Variants in RERE observed in about 807,000 individuals in gnomAD.
RERE encodes the protein arginine-glutamic acid dipeptide repeats protein.
In RERE, 40 loss-of-function variants were observed where a neutral mutation model predicts 146.1. That is an observed-to-expected ratio of 0.27 (90% confidence interval 0.21 to 0.36). RERE has a LOEUF of 0.36. Among genes scored for constraint, RERE ranks in the 10% least tolerant of loss-of-function variants. RERE has a pLI of 1.00. For missense variants in RERE, 1,933 were observed against 2,138.7 expected, an observed-to-expected ratio of 0.90 and a Z score of 1.90; for synonymous variants, 1,003 against 866.0, an observed-to-expected ratio of 1.16 and a Z score of -2.78.
intron 6 of RERE, among the ~76,000 whole-genome samples, chr1:8,544,828 A>G (rs1376456054): frequency 6.6e-6 from 1 of 152,228 alleles, no homozygotes; most frequent in Non-Finnish European, 1.5e-5. Context: ...TAATCTTGCC[A>G]GTTAGCCAGC....
chr1:8,366,942 C>CAAAAAAAAAA (rs1557592178), intron 12 of RERE, among the ~76,000 whole-genome samples: 1 of 135,050 alleles, frequency 7.4e-6, no homozygotes. Flanking sequence ...AAAAAAAAAA[C>CAAAAAAAAAA]CCAAAAAACA....
At chr1:8,786,624 GACCTCTGGGCTCACACCATTGGC>G in intron 1 of RERE, 1 of 768,044 alleles carries the variant, frequency 1.3e-6, no homozygotes, top group Non-Finnish European at 2.4e-6. Flanking sequence ...ACACCTTTCA[GACCTCTGGGCTCACACCATTGGC>G]ACCTCTGGTC....
chr1:8,421,988 C>T (rs1643916474), intron 12 of RERE, among the ~76,000 whole-genome samples: 2 of 152,170 alleles, frequency 1.3e-5, no homozygotes, highest in Admixed American at 1.3e-4. Flanking sequence ...TCTACACCAC[C>T]AGGGAAGGAG....
At chr1:8,399,533 A>C (rs1643175203) in intron 12 of RERE, among the ~76,000 whole-genome samples, 1 of 152,030 alleles carries the variant, frequency 6.6e-6, no homozygotes, top group South Asian at 2.1e-4. Flanking sequence ...AATTACTCTA[A>C]CTTTACAAGT....
Position 8,356,170 on chromosome 1 carries a change from A to G in RERE, c.4416T>C (p.Pro1472=), listed in dbSNP as rs1641284586. ...GPHLARFPYP[P]GTLPNPLLGQ... is the part of the protein sequence containing the mutation. ...CAAGCAGAGGGTTGGGGAGAGTGCC[A>G]GGCGGGTAGGGGAAGCGAGCCAGGT... Residue 1472 remains proline (P), a synonymous_variant, in exon 21 of 23, where the codon CCT becomes CCC. Transcript: ENST00000400908. The surrounding 1 kb of genome is among the most constrained non-coding windows in gnomAD (Gnocchi z 5.2). 6.6e-6 allele frequency: 10 copies of G among 1,521,638 alleles called. No individual in the cohort carries two copies. The highest frequency in any genetic ancestry group is 8.7e-6 in the Non-Finnish European group (10 of 1,144,606). The allele number at this position is 1,521,638 out of a possible 1,614,324, so 94.3% of individuals were successfully genotyped here. A position where few individuals can be genotyped will look rare whatever the true frequency, so the allele number is the denominator to read the frequency against.
At chr1:8,479,608 C>T (rs1023652246) in intron 10 of RERE, among the ~76,000 whole-genome samples, 3 of 152,092 alleles carry the variant, frequency 2.0e-5, no homozygotes, top group East Asian at 3.9e-4. Context: ...GAGAAGGCAG[C>T]GTGAAGATGA....
At chr1:8,544,202 A>T (rs1645832118) in intron 6 of RERE, among the ~76,000 whole-genome samples, 1 of 152,214 alleles carries the variant, frequency 6.6e-6, no homozygotes, top group Non-Finnish European at 1.5e-5. Context: ...CCTGGAATAA[A>T]TCCCAGCTGG....
At chr1:8,638,518 C>T (rs1647130440) in intron 2 of RERE, among the ~76,000 whole-genome samples, 1 of 152,106 alleles carries the variant, frequency 6.6e-6, no homozygotes, top group South Asian at 2.1e-4. Context: ...GAATGGCATA[C>T]AAAGCAGCCA....
intron 12 of RERE, among the ~76,000 whole-genome samples, chr1:8,395,899 A>T (rs181984341): frequency 1.3e-5 from 2 of 152,290 alleles, no homozygotes; most frequent in East Asian, 3.9e-4. Flanking sequence ...GGGAGCACAA[A>T]TCTGAGAAGG....
At position 8,761,906 on chromosome 1, in the gene RERE, G is replaced by T. The variant is rs1640764404; in HGVS notation, c.-145+55254C>A. 2.0e-5 allele frequency among the ~76,000 whole-genome samples: 3 copies of T among 152,042 alleles called. No homozygotes were observed. In the South Asian group the frequency reaches 6.2e-4, roughly 32 times the overall value. On this transcript the variant is annotated intron_variant, in intron 1 of 22. Transcript: ENST00000400908. ...CATTGCACTCCAGACTGGGCAACAA[G>T]AGTGAAACTCTGTCTCAAAAAAAAG...
intron 11 of RERE, among the ~76,000 whole-genome samples, chr1:8,442,206 G>A (rs527261658): frequency 3.2e-4 from 49 of 152,090 alleles, no homozygotes; most frequent in Admixed American, 2.8e-3. Flanking sequence ...CCACCATGGC[G>A]AAATCCTGTC....
intron 8 of RERE, among the ~76,000 whole-genome samples, chr1:8,499,116 C>T (rs1645093269): frequency 6.6e-6 from 1 of 151,960 alleles, no homozygotes; most frequent in Admixed American, 6.6e-5. Context: ...CCAGCAGAGA[C>T]CTGTGAAAAG....
intron 12 of RERE, among the ~76,000 whole-genome samples, chr1:8,398,676 G>T (rs1643142812): frequency 6.6e-6 from 1 of 152,116 alleles, no homozygotes; most frequent in Admixed American, 6.5e-5. Flanking sequence ...CCCAACTCTG[G>T]AAGATCACCA....
chr1:8,776,787 C>T (rs868796903), intron 1 of RERE, among the ~76,000 whole-genome samples: 1 of 152,038 alleles, frequency 6.6e-6, no homozygotes, highest in Non-Finnish European at 1.5e-5. Flanking sequence ...GGCACCATCA[C>T]GGCTCACTGC....
intron 1 of RERE, among the ~76,000 whole-genome samples, chr1:8,749,429 A>C (rs954306966): frequency 6.9e-6 from 1 of 145,662 alleles, no homozygotes; most frequent in Admixed American, 6.8e-5. Context: ...TTTGCTCTGG[A>C]AAAAAAAAAA....
chr1:8,594,217 A>G (rs1217748413), intron 4 of RERE, among the ~76,000 whole-genome samples: 1 of 152,200 alleles, frequency 6.6e-6, no homozygotes, highest in Admixed American at 6.5e-5. Context: ...TAGCTTGTCT[A>G]AAGTAACACA....
intron 1 of RERE, among the ~76,000 whole-genome samples, chr1:8,746,588 G>T (rs1640425316): frequency 6.6e-6 from 1 of 152,086 alleles, no homozygotes; most frequent in African/African-American, 2.4e-5. Context: ...TATTGACTGT[G>T]TATCATTTTT....
At chr1:8,772,374 T>C (rs922936958) in intron 1 of RERE, among the ~76,000 whole-genome samples, 1 of 152,148 alleles carries the variant, frequency 6.6e-6, no homozygotes, top group African/African-American at 2.4e-5. Context: ...AAAGTAAACT[T>C]ACAAATCCAG....
chr1:8,596,505 TTCTC>T (rs939045488), intron 4 of RERE, among the ~76,000 whole-genome samples: 1 of 152,052 alleles, frequency 6.6e-6, no homozygotes, highest in African/African-American at 2.4e-5. Context: ...AAATTACTCT[TTCTC>T]TCTCTCTTTT....
Sources: allele counts gnomAD v4.1 joint callset (sites outside exome capture counted in the v4.1 genomes callset), GRCh38; gene constraint gnomAD v4.1.1; non-coding constraint Gnocchi (gnomAD v3.1); transcripts MANE v1.5; gene names NCBI Gene and HGNC (gene_info 2026-07-23, HGNC 2026-07-21).